The following UBXN8 variants were observed in gnomAD, a reference collection of about 807,000 sequenced individuals.
UBXN8 encodes the protein UBX domain protein 8.
UBXN8 carries 27 observed loss-of-function variants against 32.1 expected under a neutral mutation model. The observed-to-expected ratio is 0.84, with a 90% CI of 0.62 to 1.16. The LOEUF (loss-of-function observed/expected upper bound fraction) is 1.16. UBXN8 is among the 50% of genes most tolerant of loss of function. The pLI, the probability that UBXN8 is intolerant of heterozygous loss-of-function variation, is 0.00. For synonymous variants in UBXN8, 109 were observed against 111.8 expected, an observed-to-expected ratio of 0.98 and a Z score of 0.16; for missense variants, 306 against 311.4, an observed-to-expected ratio of 0.98 and a Z score of 0.13.
intron 5 of UBXN8, 49 bp downstream of exon 5, chr8:30,756,936 G>C: frequency 6.2e-7 from 1 of 1,608,218 alleles, no homozygotes. Flanking sequence ...TGCAGTAGGA[G>C]TATTGAACTC....
rs372236166 is a variant in UBXN8, at chr8:30,765,904, G to A, written c.646-323G>A. 9.3e-5 allele frequency among the ~76,000 whole-genome samples: 14 copies of A among 151,196 alleles called. No individual in the cohort carries two copies. The East Asian group carries it at 2.4e-3, about 26-fold the overall frequency. ...GCGCCTGTATAATCCAAGCTACTCT[G>A]AAGGCTGAGGCAGGAGAATCGCTTA... On this transcript the variant is annotated intron_variant, in intron 7 of 7. Coordinates refer to ENST00000265616, the MANE Select transcript of UBXN8 (RefSeq NM_005671.4).
intron 7 of UBXN8, 37 bp downstream of exon 7, chr8:30,763,384 G>C (rs771191069): frequency 6.3e-7 from 1 of 1,590,346 alleles, no homozygotes; most frequent in Non-Finnish European, 8.6e-7. Context: ...AAATATCTTT[G>C]TTGAATATGG....
exon 1 of UBXN8, chr8:30,733,087 T>C (rs1254881328): frequency 6.6e-6 from 1 of 152,208 alleles, no homozygotes; most frequent in Non-Finnish European, 1.5e-5. Flanking sequence ...TTGGACTCAG[T>C]TTACTCTAGC....
upstream of UBXN8, among the ~76,000 whole-genome samples, chr8:30,741,411 C>T (rs961958255): frequency 2.6e-5 from 4 of 151,150 alleles, no homozygotes; most frequent in East Asian, 1.9e-4. Flanking sequence ...TCACCCTTGA[C>T]GTCCCCTCTG....
intron 3 of UBXN8, chr8:30,754,196 C>T (rs1805588157): frequency 8.4e-6 from 2 of 236,830 alleles, no homozygotes; most frequent in African/African-American, 2.3e-5. Context: ...GTGGAGACTG[C>T]ACCACTGCAC....
At chr8:30,753,236 T>A in intron 3 of UBXN8, 131 bp downstream of exon 3, 1 of 1,230,504 alleles carries the variant, frequency 8.1e-7, no homozygotes. Context: ...CAAATTCACG[T>A]GACATAAATT....
chr8:30,759,348 G>A (rs1586103899), intron 5 of UBXN8, among the ~76,000 whole-genome samples: 1 of 151,778 alleles, frequency 6.6e-6, no homozygotes, highest in East Asian at 2.0e-4. Flanking sequence ...AGATTCTCAT[G>A]CCTCAACCTC....
At chr8:30,763,473 C>T in intron 7 of UBXN8, 126 bp downstream of exon 7, 1 of 909,604 alleles carries the variant, frequency 1.1e-6, no homozygotes. Context: ...GGATAAAGGA[C>T]ATTTCCAGGT....
chr8:30,746,058 T>C (rs1476418527), intron 1 of UBXN8, among the ~76,000 whole-genome samples: 3 of 152,178 alleles, frequency 2.0e-5, no homozygotes, highest in Admixed American at 1.3e-4. Context: ...GCCAGAAATA[T>C]GCTTCTTGAA....
chr8:30,746,732 G>T lies in UBXN8; in HGVS notation c.88+2455G>T, dbSNP rs1469002474. 2.9e-5 allele frequency among the ~76,000 whole-genome samples: 4 copies of T among 137,928 alleles called. 1 individual carries two copies. The highest frequency in any genetic ancestry group is 7.3e-5 in the Admixed American group (1 of 13,692). The allele number at this position is 137,928 out of a possible 152,430, so 90.5% of individuals were successfully genotyped here. On this transcript the variant is annotated intron_variant, in intron 1 of 7. Coordinates refer to ENST00000265616, the MANE Select transcript of UBXN8 (RefSeq NM_005671.4). ...TAGAGGCGGGGTTTCGGTATGTTGT[G>T]CCAGGTTGGTCTCCAACTCCTGACC... is the stretch of plus-strand genomic sequence containing the variant.
At chr8:30,731,313 C>T (rs1476475059), upstream of UBXN8, among the ~76,000 whole-genome samples, 1 of 152,114 alleles carries the variant, frequency 6.6e-6, no homozygotes, top group Non-Finnish European at 1.5e-5. Flanking sequence ...GCTGAACATT[C>T]GGTAGTAACC....
At chr8:30,763,417 G>A (rs1805915462) in intron 7 of UBXN8, 70 bp downstream of exon 7, 5 of 1,428,590 alleles carry the variant, frequency 3.5e-6, no homozygotes, top group Non-Finnish European at 4.9e-6. Context: ...CACATGCCGT[G>A]GGGGAAGGTG....
chr8:30,749,697 A>C (rs1305361148), intron 1 of UBXN8, among the ~76,000 whole-genome samples: 1 of 148,964 alleles, frequency 6.7e-6, no homozygotes, highest in Non-Finnish European at 1.5e-5. Flanking sequence ...GCTCTGCCTC[A>C]CAGGTTCATG....
intron 7 of UBXN8, 44 bp from the exon 8 acceptor site, chr8:30,766,183 G>GT: frequency 6.4e-7 from 1 of 1,574,066 alleles, no homozygotes; most frequent in East Asian, 2.3e-5. Flanking sequence ...GACATGGTGT[G>GT]TAAAGTATTT....
upstream of UBXN8, among the ~76,000 whole-genome samples, chr8:30,731,226 G>A (rs935595488): frequency 1.3e-5 from 2 of 152,210 alleles, no homozygotes; most frequent in Admixed American, 1.3e-4. Context: ...GGGGGACCGG[G>A]CTCAAGGACT....
chr8:30,744,345 A>T, intron 1 of UBXN8, 68 bp downstream of exon 1: 1 of 1,490,350 alleles, frequency 6.7e-7, no homozygotes, highest in Non-Finnish European at 9.2e-7. Flanking sequence ...GCATAGAACG[A>T]CCGCCTCTTC....
At chr8:30,750,106 C>G (rs1805480479) in intron 1 of UBXN8, among the ~76,000 whole-genome samples, 1 of 151,950 alleles carries the variant, frequency 6.6e-6, no homozygotes, top group African/African-American at 2.4e-5. Context: ...TTTTAATGCC[C>G]AAAGGAGAGT....
chr8:30,750,208 A>ACACCT (rs1336989461), intron 1 of UBXN8, among the ~76,000 whole-genome samples: 2 of 151,992 alleles, frequency 1.3e-5, no homozygotes, highest in Non-Finnish European at 2.9e-5. Flanking sequence ...GTGGTGGCTC[A>ACACCT]CACCTACAAT....
intron 7 of UBXN8, among the ~76,000 whole-genome samples, chr8:30,765,996 C>T (rs1183483060): frequency 1.9e-4 from 24 of 126,934 alleles, no homozygotes; most frequent in Admixed American, 1.8e-3. Flanking sequence ...GGTGACAGAG[C>T]GAGACTCCCA....
Sources: gnomAD v4.1 joint callset for allele counts (sites outside exome capture counted in the v4.1 genomes callset) on GRCh38, gnomAD v4.1.1 for gene constraint, MANE v1.5 for transcripts, NCBI Gene and HGNC (gene_info 2026-07-23, HGNC 2026-07-21) for gene names.